PTPRD: variants seen among roughly 807,000 people sequenced by gnomAD.
PTPRD encodes receptor-type tyrosine-protein phosphatase delta.
PTPRD carries 34 observed loss-of-function variants against 214.5 expected under a neutral mutation model. The observed-to-expected ratio is 0.16, with a 90% confidence interval of 0.12 to 0.21. The LOEUF (loss-of-function observed/expected upper bound fraction) is 0.21. Among genes scored for constraint, PTPRD ranks in the 10% least tolerant of loss-of-function variants. The probability of loss-of-function intolerance (pLI) is 1.00; values close to 1 mark genes in which losing one functional copy is unlikely to be tolerated. For synonymous variants in PTPRD, 1,128 were observed against 845.7 expected, an observed-to-expected ratio of 1.33 and a Z score of -5.79; for missense variants, 2,545 against 2,398.7, an observed-to-expected ratio of 1.06 and a Z score of -1.27.
chr9:9,563,595 T>A (rs2083517660), intron 8 of PTPRD, among the ~76,000 whole-genome samples: 3 of 152,110 alleles, frequency 2.0e-5, no homozygotes, highest in Non-Finnish European at 4.4e-5. Context: ...GAAACCACAT[T>A]CAGAGGATCA....
At chr9:10,102,013 G>A (rs2098555985) in intron 3 of PTPRD, among the ~76,000 whole-genome samples, 1 of 151,658 alleles carries the variant, frequency 6.6e-6, no homozygotes, top group Non-Finnish European at 1.5e-5. Flanking sequence ...ATTCTAAAAA[G>A]GAGGCACATT....
intron 5 of PTPRD, among the ~76,000 whole-genome samples, chr9:9,816,911 A>C (rs1013922110): frequency 1.9e-5 from 1 of 52,250 alleles, no homozygotes; most frequent in African/African-American, 2.9e-4. Flanking sequence ...AATAATAAAG[A>C]AAAAAAAGTT....
chr9:8,497,791 G>C (rs913312360), intron 25 of PTPRD, among the ~76,000 whole-genome samples: 7 of 152,138 alleles, frequency 4.6e-5, no homozygotes, highest in Non-Finnish European at 8.8e-5. Flanking sequence ...AAAAAAGACA[G>C]AGTTCACATT....
At chr9:9,810,266 C>T (rs2046737574) in intron 5 of PTPRD, among the ~76,000 whole-genome samples, 1 of 151,512 alleles carries the variant, frequency 6.6e-6, no homozygotes, top group Non-Finnish European at 1.5e-5. Flanking sequence ...TAATCAACTG[C>T]TTGTGTTATT....
chr9:9,886,847 A>T (rs150236184), intron 5 of PTPRD, among the ~76,000 whole-genome samples: 111 of 152,172 alleles, frequency 7.3e-4, no homozygotes, highest in African/African-American at 2.5e-3. Context: ...ACCCACGTGG[A>T]GAGACCACAT....
chr9:9,803,338 A>C (rs888482063), intron 5 of PTPRD, among the ~76,000 whole-genome samples: 1 of 151,968 alleles, frequency 6.6e-6, no homozygotes, highest in African/African-American at 2.4e-5. Flanking sequence ...GAGAAACACA[A>C]AATTTTTAAG....
At chr9:8,589,308 G>A (rs899845912) in intron 14 of PTPRD, among the ~76,000 whole-genome samples, 4 of 152,100 alleles carry the variant, frequency 2.6e-5, no homozygotes, top group African/African-American at 7.2e-5. Flanking sequence ...AACACTAAAA[G>A]TCACATCTCA....
At chr9:8,607,386 T>C (rs568168381) in intron 14 of PTPRD, among the ~76,000 whole-genome samples, 1 of 152,328 alleles carries the variant, frequency 6.6e-6, no homozygotes, top group East Asian at 1.9e-4. Flanking sequence ...GCCGCATGCC[T>C]GTAATCCCAA....
At chr9:9,940,505 A>G (rs1044973506) in intron 4 of PTPRD, among the ~76,000 whole-genome samples, 37 of 152,186 alleles carry the variant, frequency 2.4e-4, no homozygotes, top group African/African-American at 8.7e-4. Context: ...TTTGAGTCCT[A>G]TCTCTACCTA....
chr9:10,219,734 A>T (rs2099557299), intron 3 of PTPRD, among the ~76,000 whole-genome samples: 1 of 151,780 alleles, frequency 6.6e-6, no homozygotes, highest in Non-Finnish European at 1.5e-5. Flanking sequence ...CTTTTTAACT[A>T]GTAAGAACTT....
intron 8 of PTPRD, among the ~76,000 whole-genome samples, chr9:9,546,867 G>A (rs999638426): frequency 5.3e-5 from 8 of 151,432 alleles, no homozygotes; most frequent in Middle Eastern, 3.4e-3. Flanking sequence ...CTCACTAAAA[G>A]AGCATTAAAA....
chr9:9,544,466 T>C (rs1001493829), intron 8 of PTPRD, among the ~76,000 whole-genome samples: 8 of 151,636 alleles, frequency 5.3e-5, no homozygotes, highest in African/African-American at 1.7e-4. Flanking sequence ...TTAATTAAGA[T>C]ATATTTATTT....
At chr9:10,384,007 G>C (rs1028533204) in intron 2 of PTPRD, among the ~76,000 whole-genome samples, 11 of 150,182 alleles carry the variant, frequency 7.3e-5, no homozygotes, top group South Asian at 2.1e-4. Flanking sequence ...AGAGGAGAAG[G>C]ATGGTTACCA....
At chr9:9,904,447 G>C (rs568588001) in intron 5 of PTPRD, among the ~76,000 whole-genome samples, 74 of 152,162 alleles carry the variant, frequency 4.9e-4, no homozygotes, top group Non-Finnish European at 9.6e-4. Context: ...ATATTTTAAA[G>C]TGTATTCACT....
intron 10 of PTPRD, among the ~76,000 whole-genome samples, chr9:9,154,356 G>T (rs1435752667): frequency 6.6e-6 from 1 of 152,096 alleles, no homozygotes; most frequent in Non-Finnish European, 1.5e-5. Flanking sequence ...ACTTTTTGAG[G>T]TAGAAAAGTC....
intron 44 of PTPRD, among the ~76,000 whole-genome samples, chr9:8,323,708 T>G (rs1830729844): frequency 6.6e-6 from 1 of 152,184 alleles, no homozygotes; most frequent in Admixed American, 6.5e-5. Context: ...TCCTTACGGA[T>G]GAGCAAAGAA....
intron 11 of PTPRD, among the ~76,000 whole-genome samples, chr9:9,015,772 G>C (rs1433211519): frequency 6.6e-6 from 1 of 152,018 alleles, no homozygotes; most frequent in Non-Finnish European, 1.5e-5. Flanking sequence ...AGAGAATGGA[G>C]CCTCAAAAGG....
chr9:9,669,415 G>A (rs2096783813), intron 7 of PTPRD, among the ~76,000 whole-genome samples: 1 of 152,028 alleles, frequency 6.6e-6, no homozygotes, highest in Admixed American at 6.6e-5. Flanking sequence ...ATTGAAAGAA[G>A]GAGACCAAAA....
chr9:9,343,404 A>G (rs756444233), intron 9 of PTPRD, among the ~76,000 whole-genome samples: 1 of 152,156 alleles, frequency 6.6e-6, no homozygotes, highest in Non-Finnish European at 1.5e-5. Flanking sequence ...CTGACTTTCT[A>G]ATGATCACCA....
Sources: allele counts gnomAD v4.1 joint callset (sites outside exome capture counted in the v4.1 genomes callset), GRCh38; gene constraint gnomAD v4.1.1; transcripts MANE v1.5; gene names NCBI Gene and HGNC (gene_info 2026-07-23, HGNC 2026-07-21).